METTL17: variants seen among roughly 807,000 people sequenced by gnomAD.
METTL17 encodes the protein ribosome assembly protein METTL17, mitochondrial.
Under a neutral mutation model 59.4 loss-of-function variants are expected in METTL17, and 49 were observed. The observed-to-expected ratio is 0.82, with a 90% CI of 0.66 to 1.05. The LOEUF is 1.05. Ranked by LOEUF, METTL17 falls within the 50% of genes least tolerant of loss-of-function variation. The probability of loss-of-function intolerance (pLI) is 0.00; values close to 1 mark genes in which losing one functional copy is unlikely to be tolerated. For synonymous variants in METTL17, 208 were observed against 209.2 expected, an observed-to-expected ratio of 0.99 and a Z score of 0.05; for missense variants, 555 against 578.4, an observed-to-expected ratio of 0.96 and a Z score of 0.41.
chr14:20,995,121 C>G lies in METTL17; in HGVS notation c.877-44C>G, dbSNP rs186074286. On this transcript the variant is annotated intron_variant, in intron 9 of 13. Coordinates refer to ENST00000339374, the MANE Select transcript of METTL17 (RefSeq NM_022734.3). ...ACACAGCTACTGACATTTATACTTT[C>G]GTGTAATTCAAGTCTTCTGCATATT... The G allele has an allele frequency of 5.8e-6, 9 of 1,549,082 alleles. No homozygotes were observed. In the Admixed American group the frequency reaches 1.2e-4, roughly 20 times the overall value.
intron 6 of METTL17, 130 bp downstream of exon 6, chr14:20,993,321 C>G: frequency 1.3e-6 from 1 of 771,056 alleles, no homozygotes; most frequent in Non-Finnish European, 2.2e-6. Context: ...AATGTTTCTT[C>G]CATCAGATTA....
intron 6 of METTL17, 187 bp from the exon 7 acceptor site, chr14:20,993,781 CT>C (rs1000317830): frequency 0.076 from 25,876 of 341,206 alleles, no homozygotes; most frequent in East Asian, 0.099. Context: ...CTGAGTCTAC[CT>C]TTTTTTTTTT....
intron 11 of METTL17, 82 bp from the exon 12 acceptor site, chr14:20,996,127 C>G: frequency 7.1e-7 from 1 of 1,406,380 alleles, no homozygotes; most frequent in Non-Finnish European, 1.0e-6. Context: ...TCCCTGGCCC[C>G]TTTTGACTCT....
chr14:20,992,304 A>G (rs1880074248), intron 4 of METTL17, 99 bp downstream of exon 4: 1 of 810,926 alleles, frequency 1.2e-6, no homozygotes, highest in Non-Finnish European at 2.0e-6. Flanking sequence ...ATTTTCTTTT[A>G]TATCACCTGA....
At chr14:20,993,056 T>A in intron 5 of METTL17, 62 bp from the exon 6 acceptor site, 1 of 1,433,732 alleles carries the variant, frequency 7.0e-7, no homozygotes, top group African/African-American at 1.4e-5. Flanking sequence ...CTAATTCACA[T>A]TTATCAAGGT....
At chr14:20,994,283 CTTTT>C (rs370656915) in intron 7 of METTL17, among the ~76,000 whole-genome samples, 1 of 138,844 alleles carries the variant, frequency 7.2e-6, no homozygotes. Context: ...TCTCCCTGCC[CTTTT>C]TTTTTTTTTT....
At chr14:20,992,658 ACC>A in intron 5 of METTL17, 36 bp downstream of exon 5, 1 of 1,481,384 alleles carries the variant, frequency 6.8e-7, no homozygotes, top group Non-Finnish European at 9.4e-7. Flanking sequence ...GAACTTTTTG[ACC>A]ATCAGTTCCC....
chr14:20,992,119 C>T lies in METTL17; in HGVS notation c.365-5C>T. On this transcript the variant is annotated splice_polypyrimidine_tract_variant and splice_region_variant and intron_variant, in intron 3 of 13. Coordinates refer to ENST00000339374, the MANE Select transcript of METTL17 (RefSeq NM_022734.3). Reference sequence around the variant, plus strand: ...CCTGACTTCCAGTCCTTGTTCTCACCACAGACTTATCTCAGACAGAGGAGA... The same window carrying T: ...CCTGACTTCCAGTCCTTGTTCTCACTACAGACTTATCTCAGACAGAGGAGA... The T allele has an allele frequency of 1.2e-6, 2 of 1,612,854 alleles. No homozygotes were observed. Among genetic ancestry groups the T allele is most frequent in the Non-Finnish European group, 1.7e-6 (2 of 1,179,508 alleles).
Position 20,993,168 on chromosome 14 carries a change from C to G in METTL17, c.579C>G (p.Gly193=). The change falls in exon 6 of 14, where the codon GGC becomes GGG. Residue 193 remains glycine, a synonymous_variant. Coordinates refer to ENST00000339374, the MANE Select transcript of METTL17 (RefSeq NM_022734.3). ...AGCCACAAACTTTGATGGACTTTGG[C>G]TCAGGTACTGGTTCTGTCACCTGGT... is the stretch of plus-strand genomic sequence containing the variant. ...AFQPQTLMDF[G]SGTGSVTWAA... is the part of the protein sequence containing the mutation. 1 of 1,614,150 alleles carries G rather than the reference C, an allele frequency of 6.2e-7. No individual in the cohort carries two copies. Among genetic ancestry groups the G allele is most frequent in the Non-Finnish European group, 8.5e-7 (1 of 1,180,016 alleles).
chr14:20,992,414 T>C (rs1484859825), intron 4 of METTL17, 127 bp from the exon 5 acceptor site: 2 of 815,504 alleles, frequency 2.5e-6, no homozygotes, highest in African/African-American at 3.4e-5. Context: ...CAGGACCCTT[T>C]TGTATTGGGG....
At chr14:20,994,394 T>G (rs962057138) in intron 7 of METTL17, 149 bp from the exon 8 acceptor site, 98 of 729,390 alleles carry the variant, frequency 1.3e-4, no homozygotes, top group Non-Finnish European at 6.1e-5. Context: ...TAGCTGGGAT[T>G]ACAGGCACGC....
At chr14:20,991,963 A>T (rs1400747235) in intron 3 of METTL17, 161 bp from the exon 4 acceptor site, 2 of 632,566 alleles carry the variant, frequency 3.2e-6, no homozygotes, top group Non-Finnish European at 5.6e-6. Flanking sequence ...TGTTACCGTT[A>T]ATTCTTGCCT....
rs772554285 is a variant in METTL17 at position 20,992,111 on chromosome 14, G to C, written c.365-13G>C. 1.9e-6 allele frequency: 3 copies of C among 1,612,698 alleles called. No homozygotes were observed. Among genetic ancestry groups the C allele is most frequent in the Non-Finnish European group, 1.7e-6 (2 of 1,179,414 alleles). On this transcript the variant is annotated splice_polypyrimidine_tract_variant and intron_variant, in intron 3 of 13. Transcript: ENST00000339374. ...CCCTAGGTCCTGACTTCCAGTCCTT[G>C]TTCTCACCACAGACTTATCTCAGAC... is the stretch of plus-strand genomic sequence containing the variant.
rs372901763 is a variant in METTL17, at chr14:20,996,511, A to G, written c.1081-16A>G. On this transcript the variant is annotated splice_polypyrimidine_tract_variant and intron_variant, in intron 12 of 13. Coordinates refer to ENST00000339374, the MANE Select transcript of METTL17 (RefSeq NM_022734.3). ...TATCTTTTTCTTCTAAACAGTCTCT[A>G]TGTTCCTTATCTTAGAACAAGAAAC... The G allele has an allele frequency of 6.7e-5, 108 of 1,604,714 alleles. No homozygotes were observed. Among genetic ancestry groups the G allele is most frequent in the Non-Finnish European group, 8.1e-5 (95 of 1,173,784 alleles).
At chr14:20,995,811 A>G (rs781123795) in intron 10 of METTL17, 90 bp from the exon 11 acceptor site, 9 of 991,318 alleles carry the variant, frequency 9.1e-6, no homozygotes, top group Non-Finnish European at 1.5e-5. Context: ...TTGAGTGTTA[A>G]AGGAGTCCTC....
At chr14:20,996,336 A>G (rs766421699) in intron 12 of METTL17, 44 bp downstream of exon 12, 49 of 1,582,766 alleles carry the variant, frequency 3.1e-5, no homozygotes, top group Non-Finnish European at 3.9e-5. Context: ...ACATCCTGGA[A>G]AAACAGGAAG....
At chr14:20,993,623 C>CAT (rs1566432675) in intron 6 of METTL17, 2 of 216,380 alleles carry the variant, frequency 9.2e-6, no homozygotes, top group Non-Finnish European at 1.8e-5. Context: ...TACAGGTGCA[C>CAT]GCCACCACAC....
intron 2 of METTL17, 23 bp from the exon 3 acceptor site, chr14:20,990,441 C>G (rs748637031): frequency 6.2e-7 from 1 of 1,613,584 alleles, no homozygotes. Context: ...CAAGTGATTC[C>G]GCTTTTCGTC....
At position 20,997,012 on chromosome 14, in the gene METTL17, A is replaced by G. The variant is rs939243900; in HGVS notation, c.*122A>G. The G allele has an allele frequency of 1.9e-6, 2 of 1,066,660 alleles. No individual in the cohort carries two copies. The highest frequency in any genetic ancestry group is 2.5e-6 in the Non-Finnish European group (2 of 786,538). 66.1% of individuals were successfully genotyped at this position (1,066,660 alleles called of 1,614,324 possible). On this transcript the variant is annotated 3_prime_UTR_variant, in exon 14 of 14. Transcript: ENST00000339374. ...GTTTGTTTGAGATTTTTAATAATAA[A>G]TAATAAATTTTTGAAGAATGGAAGT... is the stretch of plus-strand genomic sequence containing the variant.
Sources: allele counts gnomAD v4.1 joint callset (sites outside exome capture counted in the v4.1 genomes callset), GRCh38; gene constraint gnomAD v4.1.1; transcripts MANE v1.5; gene names NCBI Gene and HGNC (gene_info 2026-07-23, HGNC 2026-07-21).